The following BABAM2 variants were observed in gnomAD, a reference collection of about 807,000 sequenced individuals.
BABAM2 encodes BRISC and BRCA1 A complex member 2, also known as BRISC and BRCA1-A complex member 2.
Under a neutral mutation model 54.7 loss-of-function variants are expected in BABAM2, and 31 were observed. The ratio of observed to expected loss-of-function variants is 0.57; its 90% CI spans 0.43 to 0.77. BABAM2 has a LOEUF of 0.77. Ranked by LOEUF, BABAM2 falls within the 30% of genes least tolerant of loss-of-function variation. The pLI is 0.00. For synonymous variants in BABAM2, 167 were observed against 162.9 expected (o/e 1.03, Z -0.19); for missense variants, 364 against 455.8 (o/e 0.80, Z 1.83).
intron 6 of BABAM2, among the ~76,000 whole-genome samples, chr2:28,115,715 G>A (rs1470288897): frequency 6.6e-6 from 1 of 152,062 alleles, no homozygotes; most frequent in Non-Finnish European, 1.5e-5. Context: ...TGTAGACCGG[G>A]GAGAAGGCGT....
chr2:28,298,522 T>C lies in BABAM2; in HGVS notation c.1088+31T>C, dbSNP rs188468454. ...TGAATCTGTCGTTATTTCCAACAGGTAAGAGCATTTTGTTTATCTAGTCCA... is the reference window on the plus strand; with the variant it reads ...TGAATCTGTCGTTATTTCCAACAGGCAAGAGCATTTTGTTTATCTAGTCCA... On this transcript the variant is annotated intron_variant, in intron 11 of 11. Coordinates refer to ENST00000379624, the MANE Select transcript of BABAM2 (RefSeq NM_199191.3). 73 of 1,613,496 alleles carry C rather than the reference T, an allele frequency of 4.5e-5. No homozygotes were observed. The East Asian group carries it at 1.4e-3, about 31-fold the overall frequency.
At chr2:27,919,269 C>G (rs1440557483) in intron 2 of BABAM2, among the ~76,000 whole-genome samples, 1 of 152,146 alleles carries the variant, frequency 6.6e-6, no homozygotes, top group Admixed American at 6.5e-5. Context: ...TGAACATTTA[C>G]AAAATTTTCT....
Position 28,258,615 on chromosome 2 carries a change from C to CTTTT in BABAM2, c.934+13766_934+13769dup, listed in dbSNP as rs70956008. ...CTTAAGTCTTTTTCTTTTTTCTTTTCTTTTTTTTTTTTTTTTGAGACAGGA... is the reference window on the plus strand; with the variant it reads ...CTTAAGTCTTTTTCTTTTTTCTTTTCTTTTTTTTTTTTTTTTTTTTGAGACAGGA... On this transcript the variant is annotated intron_variant, in intron 10 of 11. Coordinates refer to ENST00000379624, the MANE Select transcript of BABAM2 (RefSeq NM_199191.3). Among the ~76,000 whole-genome samples, 5 of 100,044 alleles carry CTTTT rather than the reference C, an allele frequency of 5.0e-5. 2 individuals are homozygous for CTTTT. Among genetic ancestry groups the CTTTT allele is most frequent in the South Asian group, 6.4e-4 (2 of 3,120 alleles). The allele number at this position is 100,044 out of a possible 152,430, so 65.6% of individuals were successfully genotyped here. A position where few individuals can be genotyped will look rare whatever the true frequency, so the allele number is the denominator to read the frequency against.
chr2:27,914,811 C>A (rs549837342), intron 2 of BABAM2, among the ~76,000 whole-genome samples: 84 of 152,132 alleles, frequency 5.5e-4, no homozygotes, highest in African/African-American at 2.0e-3. Context: ...TACACATATG[C>A]ATATATAATA....
chr2:28,283,468 C>G (rs1686549934), intron 10 of BABAM2, among the ~76,000 whole-genome samples: 1 of 152,214 alleles, frequency 6.6e-6, no homozygotes, highest in Non-Finnish European at 1.5e-5. Flanking sequence ...CTCTGTATTT[C>G]ACCCTCAGGC....
chr2:27,939,487 G>C (rs1211917821), intron 3 of BABAM2, among the ~76,000 whole-genome samples: 7 of 152,114 alleles, frequency 4.6e-5, no homozygotes, highest in Admixed American at 3.9e-4. Flanking sequence ...TCAGATTTTC[G>C]TTGGTTGAAG....
At chr2:28,290,877 T>A (rs1687229510) in intron 10 of BABAM2, among the ~76,000 whole-genome samples, 1 of 152,176 alleles carries the variant, frequency 6.6e-6, no homozygotes, top group Non-Finnish European at 1.5e-5. Flanking sequence ...GACATGAAGT[T>A]TAGAAAGATT....
chr2:27,983,653 C>T (rs574476500), intron 3 of BABAM2, among the ~76,000 whole-genome samples: 135 of 152,092 alleles, frequency 8.9e-4, no homozygotes, highest in Middle Eastern at 3.4e-3. Flanking sequence ...TGTGTAGTTG[C>T]TAGTGTACAT....
At chr2:28,055,489 C>G (rs1288451724) in intron 6 of BABAM2, among the ~76,000 whole-genome samples, 1 of 152,178 alleles carries the variant, frequency 6.6e-6, no homozygotes, top group Non-Finnish European at 1.5e-5. Flanking sequence ...TTCCTCTCTT[C>G]TGATTTCCCT....
intron 11 of BABAM2, among the ~76,000 whole-genome samples, chr2:28,301,089 A>C (rs1688064722): frequency 6.6e-6 from 1 of 152,230 alleles, no homozygotes; most frequent in Non-Finnish European, 1.5e-5. Flanking sequence ...CAACTGTAGC[A>C]TTCCTTCCAC....
intron 7 of BABAM2, among the ~76,000 whole-genome samples, chr2:28,178,987 A>T (rs540486130): frequency 1.3e-5 from 2 of 152,002 alleles, no homozygotes; most frequent in African/African-American, 4.8e-5. Flanking sequence ...ACAAGATTGA[A>T]TCCGTAATAA....
intron 6 of BABAM2, among the ~76,000 whole-genome samples, chr2:28,058,366 G>A (rs1245035569): frequency 6.6e-6 from 1 of 151,808 alleles, no homozygotes; most frequent in Non-Finnish European, 1.5e-5. Flanking sequence ...TATTACAATT[G>A]GGATTGTATT....
chr2:27,992,616 A>G (rs1157039828), intron 4 of BABAM2, among the ~76,000 whole-genome samples: 1 of 152,216 alleles, frequency 6.6e-6, no homozygotes, highest in African/African-American at 2.4e-5. Flanking sequence ...ATTAAGATGG[A>G]GTCTCCATTG....
intron 3 of BABAM2, among the ~76,000 whole-genome samples, chr2:27,962,338 T>C (rs1298511473): frequency 6.6e-6 from 1 of 152,160 alleles, no homozygotes; most frequent in Non-Finnish European, 1.5e-5. Flanking sequence ...ACTCCTAGCT[T>C]CAAGGGATCC....
chr2:27,935,539 C>T (rs570408555), intron 3 of BABAM2, among the ~76,000 whole-genome samples: 10 of 152,196 alleles, frequency 6.6e-5, no homozygotes, highest in Non-Finnish European at 1.5e-4. Flanking sequence ...ATGCTATGAA[C>T]ATTGTTGAAA....
intron 6 of BABAM2, among the ~76,000 whole-genome samples, chr2:28,112,151 C>CTTTCTTTCTT (rs1261759583): frequency 0.094 from 1,831 of 19,554 alleles, 586 homozygotes; most frequent in African/African-American, 0.11. Context: ...CTTTCTTTAC[C>CTTTCTTTCTT]TCCCTCCCTC....
chr2:28,174,632 A>T (rs1036657170), intron 7 of BABAM2, among the ~76,000 whole-genome samples: 15 of 152,180 alleles, frequency 9.9e-5, no homozygotes, highest in African/African-American at 3.6e-4. Context: ...GAGTCCTGCA[A>T]TCCCAGCCAT....
chr2:28,035,060 A>G (rs1340595369), intron 5 of BABAM2, among the ~76,000 whole-genome samples: 1 of 152,212 alleles, frequency 6.6e-6, no homozygotes, highest in Non-Finnish European at 1.5e-5. Flanking sequence ...CAGAGTTTGA[A>G]GAATTAGTAC....
At chr2:27,947,963 T>C (rs1669421747) in intron 3 of BABAM2, among the ~76,000 whole-genome samples, 1 of 152,170 alleles carries the variant, frequency 6.6e-6, no homozygotes, top group Admixed American at 6.5e-5. Context: ...TCTAACTTTA[T>C]ATTGAAACCA....
Sources: gnomAD v4.1 joint callset for allele counts (sites outside exome capture counted in the v4.1 genomes callset) on GRCh38, gnomAD v4.1.1 for gene constraint, MANE v1.5 for transcripts, NCBI Gene and HGNC (gene_info 2026-07-23, HGNC 2026-07-21) for gene names.